The following SLC22A4 variants were observed in gnomAD, a reference collection of about 807,000 sequenced individuals.
The protein encoded by SLC22A4 is solute carrier family 22 member 4.
A neutral mutation model predicts 56.6 loss-of-function variants in SLC22A4; 39 were observed. The observed-to-expected ratio is 0.69, with a 90% CI of 0.53 to 0.90. SLC22A4 has a LOEUF of 0.90. Ranked by LOEUF, SLC22A4 falls within the 40% of genes least tolerant of loss-of-function variation. SLC22A4 has a pLI of 0.00. For synonymous variants in SLC22A4, 241 were observed against 281.4 expected (o/e 0.86, Z 1.44); for missense variants, 594 against 696.5 (o/e 0.85, Z 1.66).
chr5:132,328,834 TATATACAC>T (rs1484127041), intron 5 of SLC22A4, among the ~76,000 whole-genome samples: 1 of 83,174 alleles, frequency 1.2e-5, no homozygotes, highest in Admixed American at 1.1e-4. Context: ...TATATATATA[TATATACAC>T]ACACACACAC....
chr5:132,321,579 G>A (rs564094672), intron 3 of SLC22A4, among the ~76,000 whole-genome samples: 14 of 152,260 alleles, frequency 9.2e-5, no homozygotes, highest in Admixed American at 9.2e-4. Context: ...TAGCTCTTGG[G>A]GCTGGGCATG....
intron 1 of SLC22A4, among the ~76,000 whole-genome samples, chr5:132,302,050 A>G (rs923336747): frequency 2.0e-5 from 3 of 152,356 alleles, no homozygotes; most frequent in Non-Finnish European, 2.9e-5. Flanking sequence ...GAGAGCACAT[A>G]GAGGAGACTC....
Position 132,322,490 on chromosome 5 carries a change from G to A in SLC22A4, c.824+135G>A. Reference sequence around the variant, plus strand: ...TCGCGGAGGCCAGCTTCCAAGCCGGGAGAGTTTTTGCCTCATTGTGGGTGG... The same window carrying A: ...TCGCGGAGGCCAGCTTCCAAGCCGGAAGAGTTTTTGCCTCATTGTGGGTGG... On this transcript the variant is annotated intron_variant, in intron 4 of 9. Coordinates refer to ENST00000200652, the MANE Select transcript of SLC22A4 (RefSeq NM_003059.3). 3 of 831,834 alleles carry A rather than the reference G, an allele frequency of 3.6e-6. No individual in the cohort carries two copies. The Admixed American group carries it at 6.0e-5, about 17-fold the overall frequency. 51.5% of individuals were successfully genotyped at this position (831,834 alleles called of 1,614,324 possible).
chr5:132,322,044 T>C (rs1007589720), intron 3 of SLC22A4, 140 bp from the exon 4 acceptor site: 8 of 765,058 alleles, frequency 1.0e-5, no homozygotes, highest in Admixed American at 7.4e-5. Context: ...ACCCTGACCA[T>C]GCCTGCTCTG....
At chr5:132,304,604 G>A (rs1430539064) in intron 1 of SLC22A4, among the ~76,000 whole-genome samples, 1 of 152,176 alleles carries the variant, frequency 6.6e-6, no homozygotes, top group Non-Finnish European at 1.5e-5. Flanking sequence ...GCAACAGAGT[G>A]AGACTTCATC....
intron 9 of SLC22A4, among the ~76,000 whole-genome samples, chr5:132,341,928 C>G (rs375514058): frequency 1.3e-5 from 2 of 151,748 alleles, no homozygotes; most frequent in East Asian, 3.9e-4. Context: ...GTCTGCGTGA[C>G]AGAGCGAGAC....
chr5:132,327,995 G>C (rs1750731150), intron 5 of SLC22A4, among the ~76,000 whole-genome samples: 1 of 152,204 alleles, frequency 6.6e-6, no homozygotes, highest in Non-Finnish European at 1.5e-5. Flanking sequence ...CCCTGTGCTG[G>C]CTCCTAGAGG....
chr5:132,311,982 C>G (rs1307963807), intron 1 of SLC22A4, 179 bp from the exon 2 acceptor site: 1 of 682,316 alleles, frequency 1.5e-6, no homozygotes, highest in Non-Finnish European at 2.7e-6. Context: ...TCTCCCCAGT[C>G]CCGGCACAGG....
chr5:132,295,696 TGAG>T, intron 1 of SLC22A4: 1 of 197,166 alleles, frequency 5.1e-6, no homozygotes, highest in Non-Finnish European at 1.1e-5. Context: ...GTTCCAGGAA[TGAG>T]GATGCACACA....
Position 132,294,743 on chromosome 5 carries a change from G to T in SLC22A4, c.127G>T (p.Ala43Ser). 6.2e-7 allele frequency: 1 copy of T among 1,613,964 alleles called. No individual in the cohort carries two copies. Among genetic ancestry groups the T allele is most frequent in the Non-Finnish European group, 8.5e-7 (1 of 1,180,018 alleles). The part of the protein sequence containing the change: ...GFNGMSVVFL[A>S]GTPEHRCRVP... ...CAATGGTATGTCAGTCGTGTTCCTGGCGGGGACCCCGGAGCACCGCTGTCG... is the reference window on the plus strand; with the variant it reads ...CAATGGTATGTCAGTCGTGTTCCTGTCGGGGACCCCGGAGCACCGCTGTCG... Residue 43 changes from alanine to serine, a missense_variant, in exon 1 of 10, where the codon GCG (alanine) becomes TCG (serine). By Grantham distance (99) the Ala-to-Ser change is moderately conservative. Coordinates refer to ENST00000200652, the MANE Select transcript of SLC22A4 (RefSeq NM_003059.3). The surrounding 1 kb of genome is among the most constrained non-coding windows in gnomAD (Gnocchi z 5.6).
intron 1 of SLC22A4, among the ~76,000 whole-genome samples, chr5:132,308,350 C>T (rs1202226046): frequency 3.8e-5 from 5 of 132,228 alleles, no homozygotes; most frequent in Non-Finnish European, 7.8e-5. Context: ...TGCTGAATGT[C>T]AGTTGAATCA....
At chr5:132,333,468 G>C (rs272882) in intron 6 of SLC22A4, among the ~76,000 whole-genome samples, 1 of 151,988 alleles carries the variant, frequency 6.6e-6, no homozygotes, top group Admixed American at 6.6e-5. Flanking sequence ...GGCAGTTGAG[G>C]TGGTGCCTTC....
intron 2 of SLC22A4, among the ~76,000 whole-genome samples, chr5:132,312,571 G>A (rs562318259): frequency 6.6e-6 from 1 of 152,250 alleles, no homozygotes; most frequent in Non-Finnish European, 1.5e-5. Context: ...AAAACATGAC[G>A]CTGCCATCAC....
intron 6 of SLC22A4, among the ~76,000 whole-genome samples, chr5:132,333,997 C>T (rs149218): frequency 0.63 from 95,543 of 151,908 alleles, 30,864 homozygotes; most frequent in African/African-American, 0.74. Context: ...TAAGTAGAGA[C>T]GGGGTTTCAC....
At chr5:132,332,986 A>G (rs1177756902) in intron 6 of SLC22A4, among the ~76,000 whole-genome samples, 5 of 152,214 alleles carry the variant, frequency 3.3e-5, no homozygotes, top group Admixed American at 3.3e-4. Flanking sequence ...ATAAAAAATT[A>G]GTCACTAGTT....
At chr5:132,297,796 A>T (rs1350996589) in intron 1 of SLC22A4, among the ~76,000 whole-genome samples, 2 of 152,062 alleles carry the variant, frequency 1.3e-5, no homozygotes, top group East Asian at 1.9e-4. Context: ...AATAAATAAA[A>T]AATTAGCCAG....
At chr5:132,296,411 G>A (rs185577713) in intron 1 of SLC22A4, among the ~76,000 whole-genome samples, 135 of 152,346 alleles carry the variant, frequency 8.9e-4, no homozygotes, top group African/African-American at 1.1e-3. Context: ...GGCCAGGTTC[G>A]TGCTTTTGGA....
intron 1 of SLC22A4, among the ~76,000 whole-genome samples, chr5:132,308,328 G>A (rs1390015159): frequency 6.7e-6 from 1 of 149,340 alleles, no homozygotes; most frequent in Non-Finnish European, 1.5e-5. Flanking sequence ...AGCCTGGCCT[G>A]GAGCAGGTAG....
chr5:132,314,025 G>C (rs1561538902), intron 3 of SLC22A4, among the ~76,000 whole-genome samples: 1 of 152,226 alleles, frequency 6.6e-6, no homozygotes, highest in African/African-American at 2.4e-5. Flanking sequence ...CAACAGCTGA[G>C]ACACATTCTC....
Sources: allele counts gnomAD v4.1 joint callset (sites outside exome capture counted in the v4.1 genomes callset), GRCh38; gene constraint gnomAD v4.1.1; non-coding constraint Gnocchi (gnomAD v3.1); transcripts MANE v1.5; gene names NCBI Gene and HGNC (gene_info 2026-07-23, HGNC 2026-07-21).